Variants in CNTNAP3B observed in about 807,000 individuals in gnomAD.
CNTNAP3B encodes the protein contactin associated protein family member 3B.
A neutral mutation model predicts 108.9 loss-of-function variants in CNTNAP3B; 25 were observed. The observed-to-expected ratio is 0.23, with a 90% CI of 0.17 to 0.32. The LOEUF is 0.32. Ranked by LOEUF, CNTNAP3B falls within the 10% of genes least tolerant of loss-of-function variation. The pLI, the probability that CNTNAP3B is intolerant of heterozygous loss-of-function variation, is 1.00. For missense variants in CNTNAP3B, 252 were observed against 1,210.4 expected (o/e 0.21, Z 11.75); for synonymous variants, 103 against 473.4 (o/e 0.22, Z 10.16).
Position 42,128,353 on chromosome 9 carries a change from A to G in CNTNAP3B, c.85+657T>C, listed in dbSNP as rs548109133. On this transcript the variant is annotated intron_variant, in intron 1 of 23. Coordinates refer to ENST00000377561, the MANE Select transcript of CNTNAP3B (RefSeq NM_001201380.3). ...GATGGCAAATTAAATAATGTAAAATATTAGCATCCAGAGAGGAATCATTTT... is the reference window on the plus strand; with the variant it reads ...GATGGCAAATTAAATAATGTAAAATGTTAGCATCCAGAGAGGAATCATTTT... 4.4e-5 allele frequency among the ~76,000 whole-genome samples: 6 copies of G among 137,652 alleles called. No homozygotes were observed. The South Asian group carries it at 7.1e-4, about 16-fold the overall frequency. 90.3% of individuals were successfully genotyped at this position (137,652 alleles called of 152,430 possible).
intron 10 of CNTNAP3B, among the ~76,000 whole-genome samples, chr9:41,967,816 A>AT (rs1353639288): frequency 1.3e-5 from 2 of 152,370 alleles, no homozygotes; most frequent in African/African-American, 4.8e-5. Context: ...AATAGCCTTT[A>AT]TTTGTAGCCC....
At chr9:42,001,568 A>G (rs1196083190) in intron 4 of CNTNAP3B, among the ~76,000 whole-genome samples, 1 of 136,794 alleles carries the variant, frequency 7.3e-6, no homozygotes, top group Non-Finnish European at 1.6e-5. Flanking sequence ...ATGAAATTCA[A>G]TTATATAAAT....
At chr9:42,030,810 A>C (rs1826508371) in intron 3 of CNTNAP3B, among the ~76,000 whole-genome samples, 1 of 79,766 alleles carries the variant, frequency 1.3e-5, no homozygotes, top group Non-Finnish European at 2.5e-5. Context: ...AGAGAGAGAG[A>C]GAGGAGAGAG....
rs141174054 is a variant in CNTNAP3B at position 42,097,318 on chromosome 9, C to A, written c.196+7311G>T. ...AGTTAGTTCCAATTTTCAAACATTC[C>A]TCCCGCACCGCCTGTTCAGTTGCCT... On this transcript the variant is annotated intron_variant, in intron 2 of 23. Transcript: ENST00000377561. 4.3e-5 allele frequency among the ~76,000 whole-genome samples: 6 copies of A among 140,072 alleles called. 1 individual carries two copies. Among genetic ancestry groups the A allele is most frequent in the Non-Finnish European group, 7.7e-5 (5 of 65,188 alleles). 91.9% of individuals were successfully genotyped at this position (140,072 alleles called of 152,430 possible).
intron 15 of CNTNAP3B, among the ~76,000 whole-genome samples, chr9:41,925,384 G>C (rs1208453700): frequency 2.0e-5 from 3 of 152,208 alleles, no homozygotes; most frequent in Non-Finnish European, 2.9e-5. Context: ...ATGAGGTCAG[G>C]AGATCCAGAC....
Position 42,113,325 on chromosome 9 carries a change from T to C in CNTNAP3B, c.86-8586A>G, listed in dbSNP as rs571762631. Among the ~76,000 whole-genome samples the C allele has an allele frequency of 3.4e-3, 475 of 137,894 alleles. 61 individuals are homozygous for C. Among genetic ancestry groups the C allele is most frequent in the Non-Finnish European group, 4.3e-3 (275 of 64,626 alleles). The allele number at this position is 137,894 out of a possible 152,430, so 90.5% of individuals were successfully genotyped here. A position where few individuals can be genotyped will look rare whatever the true frequency, so the allele number is the denominator to read the frequency against. Reference sequence around the variant, plus strand: ...AGCTGGATAGATGATCTTGTTCTCTTTCCTTTTATTTCTAAATTTCTTGCT... The same window carrying C: ...AGCTGGATAGATGATCTTGTTCTCTCTCCTTTTATTTCTAAATTTCTTGCT... On this transcript the variant is annotated intron_variant, in intron 1 of 23. Transcript: ENST00000377561.
intron 12 of CNTNAP3B, among the ~76,000 whole-genome samples, chr9:41,954,913 C>T (rs1353800975): frequency 3.3e-5 from 5 of 152,038 alleles, no homozygotes; most frequent in African/African-American, 1.2e-4. Context: ...CTTGAACTCC[C>T]AACCTCAGGT....
At chr9:41,961,012 A>T in intron 11 of CNTNAP3B, 120 bp from the exon 12 acceptor site, 2 of 1,509,148 alleles carry the variant, frequency 1.3e-6, no homozygotes, top group Admixed American at 2.4e-5. Context: ...CATCATTTTT[A>T]TAGTGTATGA....
chr9:41,915,731 TTAAGA>T (rs1165265108), intron 18 of CNTNAP3B, among the ~76,000 whole-genome samples: 1 of 144,588 alleles, frequency 6.9e-6, no homozygotes, highest in Non-Finnish European at 1.5e-5. Context: ...TCAGCAACAA[TTAAGA>T]TAATCATGTT....
intron 2 of CNTNAP3B, among the ~76,000 whole-genome samples, chr9:42,103,616 T>C (rs1828045844): frequency 9.5e-6 from 1 of 105,494 alleles, no homozygotes; most frequent in Non-Finnish European, 2.0e-5. Context: ...GTGCCTGTAG[T>C]CCTAGCCACT....
intron 1 of CNTNAP3B, among the ~76,000 whole-genome samples, chr9:42,116,996 C>A (rs1286357720): frequency 1.4e-5 from 2 of 139,058 alleles, no homozygotes; most frequent in Non-Finnish European, 3.1e-5. Context: ...ATATATGCAC[C>A]CAGTACAGGA....
At position 42,094,366 on chromosome 9, in the gene CNTNAP3B, G is replaced by T. The variant is rs966236338; in HGVS notation, c.196+10263C>A. Among the ~76,000 whole-genome samples the T allele has an allele frequency of 7.5e-5, 10 of 133,108 alleles. 1 individual carries two copies. The highest frequency in any genetic ancestry group is 1.6e-4 in the Non-Finnish European group (10 of 63,316). The allele number at this position is 133,108 out of a possible 152,430, so 87.3% of individuals were successfully genotyped here. ...TGCATTTAAAAAAAAAAAACAAAGAGGGCGGGGGCTGGGTATGGTGGCTCA... is the reference window on the plus strand; with the variant it reads ...TGCATTTAAAAAAAAAAAACAAAGATGGCGGGGGCTGGGTATGGTGGCTCA... On this transcript the variant is annotated intron_variant, in intron 2 of 23. Transcript: ENST00000377561.
intron 15 of CNTNAP3B, among the ~76,000 whole-genome samples, chr9:41,927,749 TCA>T: frequency 1.3e-5 from 2 of 152,170 alleles, no homozygotes; most frequent in South Asian, 4.1e-4. Context: ...CCAAACAAAA[TCA>T]CAGAGGTAAC....
At chr9:42,109,540 T>G (rs199760010) in intron 1 of CNTNAP3B, among the ~76,000 whole-genome samples, 20 of 136,588 alleles carry the variant, frequency 1.5e-4, no homozygotes, top group Non-Finnish European at 1.3e-4. Flanking sequence ...AACTGATCCT[T>G]TGGGGAGGAG....
chr9:41,987,843 C>T (rs1825736390), intron 8 of CNTNAP3B, among the ~76,000 whole-genome samples: 1 of 143,898 alleles, frequency 6.9e-6, no homozygotes, highest in Admixed American at 7.1e-5. Flanking sequence ...TCAGAAGTTA[C>T]ATATATTATA....
At chr9:41,942,300 C>T (rs2118089235) in intron 13 of CNTNAP3B, among the ~76,000 whole-genome samples, 1 of 152,354 alleles carries the variant, frequency 6.6e-6, no homozygotes, top group Admixed American at 6.5e-5. Context: ...ATGGTGAAAC[C>T]CCATCTCTAC....
At chr9:41,972,398 CAATG>C (rs1283560638) in intron 9 of CNTNAP3B, among the ~76,000 whole-genome samples, 1 of 118,766 alleles carries the variant, frequency 8.4e-6, no homozygotes, top group Non-Finnish European at 1.7e-5. Flanking sequence ...AAAAAATAGT[CAATG>C]AAGATTCCTC....
intron 3 of CNTNAP3B, among the ~76,000 whole-genome samples, chr9:42,068,156 C>T (rs1382639405): frequency 1.1e-5 from 1 of 91,138 alleles, no homozygotes; most frequent in Non-Finnish European, 2.1e-5. Flanking sequence ...GATATCTGTA[C>T]AATTCTAGGG....
chr9:42,001,313 G>A (rs1826000492), intron 4 of CNTNAP3B, among the ~76,000 whole-genome samples: 1 of 116,322 alleles, frequency 8.6e-6, no homozygotes, highest in African/African-American at 3.7e-5. Context: ...ACTTGGAAGG[G>A]GGAGGTGGGA....
Sources: allele counts gnomAD v4.1 joint callset (sites outside exome capture counted in the v4.1 genomes callset), GRCh38; gene constraint gnomAD v4.1.1; transcripts MANE v1.5; gene names NCBI Gene and HGNC (gene_info 2026-07-23, HGNC 2026-07-21).